ROBO2: variants seen among roughly 807,000 people sequenced by gnomAD.
The protein encoded by ROBO2 is roundabout guidance receptor 2.
ROBO2 carries 53 observed loss-of-function variants against 160.8 expected under a neutral mutation model. The observed-to-expected ratio is 0.33, with a 90% confidence interval of 0.26 to 0.41. The LOEUF is 0.41. Ranked by LOEUF, ROBO2 falls within the 10% of genes least tolerant of loss-of-function variation. The pLI is 1.00. For synonymous variants in ROBO2, 664 were observed against 611.7 expected (o/e 1.09, Z -1.26); for missense variants, 1,577 against 1,722.4 (o/e 0.92, Z 1.49).
intron 2 of ROBO2, among the ~76,000 whole-genome samples, chr3:77,293,095 C>A (rs1411522688): frequency 7.0e-6 from 1 of 143,404 alleles, no homozygotes; most frequent in Non-Finnish European, 1.5e-5. Context: ...GTAAAATTGG[C>A]GGTTAAACGG....
intron 2 of ROBO2, among the ~76,000 whole-genome samples, chr3:77,276,104 A>G (rs1291610579): frequency 7.2e-5 from 11 of 152,108 alleles, no homozygotes; most frequent in Non-Finnish European, 1.6e-4. Context: ...TAACCACCTT[A>G]TAGAAAAGTC....
chr3:77,523,861 T>C (rs1156982833), intron 6 of ROBO2, among the ~76,000 whole-genome samples: 1 of 151,334 alleles, frequency 6.6e-6, no homozygotes. Context: ...AGTTACATCT[T>C]ACCCCATTTA....
At chr3:77,201,387 C>T (rs1439706658) in intron 2 of ROBO2, among the ~76,000 whole-genome samples, 1 of 152,098 alleles carries the variant, frequency 6.6e-6, no homozygotes, top group Non-Finnish European at 1.5e-5. Context: ...TCCATTGCAG[C>T]GATTTGTGCT....
intron 2 of ROBO2, among the ~76,000 whole-genome samples, chr3:77,318,102 T>C (rs1382612106): frequency 6.6e-5 from 10 of 152,072 alleles, no homozygotes; most frequent in East Asian, 1.9e-4. Flanking sequence ...GGCTGGAGTA[T>C]AGTGGCATAG....
chr3:76,851,463 C>T (rs1020321351), intron 2 of ROBO2, among the ~76,000 whole-genome samples: 9 of 152,132 alleles, frequency 5.9e-5, no homozygotes, highest in African/African-American at 1.7e-4. Flanking sequence ...TGGCCGGGCG[C>T]GGTGGCTCAC....
At chr3:76,793,642 A>C (rs1035005496) in intron 2 of ROBO2, among the ~76,000 whole-genome samples, 6 of 151,796 alleles carry the variant, frequency 4.0e-5, no homozygotes, top group African/African-American at 1.5e-4. Context: ...GTACATGTGC[A>C]CAATGTGCAG....
chr3:76,008,078 A>G (rs759148795), intron 2 of ROBO2, among the ~76,000 whole-genome samples: 2 of 152,002 alleles, frequency 1.3e-5, no homozygotes, highest in South Asian at 2.1e-4. Flanking sequence ...TACTAAAAAT[A>G]TACAAATTAC....
intron 2 of ROBO2, among the ~76,000 whole-genome samples, chr3:76,221,708 G>A (rs1271809090): frequency 1.3e-5 from 2 of 152,168 alleles, no homozygotes; most frequent in African/African-American, 4.8e-5. Flanking sequence ...GGATGATGGG[G>A]AACATGGTAA....
chr3:75,923,738 TA>T (rs1576155422), intron 1 of ROBO2, among the ~76,000 whole-genome samples: 2 of 152,102 alleles, frequency 1.3e-5, no homozygotes, highest in East Asian at 3.9e-4. Flanking sequence ...GGACTTAATA[TA>T]AACAGTCATG....
intron 2 of ROBO2, among the ~76,000 whole-genome samples, chr3:77,430,022 T>A (rs1183544633): frequency 1.3e-5 from 2 of 152,158 alleles, no homozygotes; most frequent in African/African-American, 2.4e-5. Context: ...ATGTTTCATA[T>A]AATCCTATCC....
chr3:77,572,534 C>G lies in ROBO2; in HGVS notation c.1972-1965C>G, dbSNP rs534021271. Among the ~76,000 whole-genome samples, 5 of 151,436 alleles carry G rather than the reference C, an allele frequency of 3.3e-5. No individual in the cohort carries two copies. The East Asian group carries it at 9.8e-4, about 30-fold the overall frequency. ...TACCTGACCTCATACAAGTGTAGCACTAATTTCAGAAAGTCTTTGAGGGTG... is the reference window on the plus strand; with the variant it reads ...TACCTGACCTCATACAAGTGTAGCAGTAATTTCAGAAAGTCTTTGAGGGTG... On this transcript the variant is annotated intron_variant, in intron 13 of 25. Transcript: ENST00000461745.
upstream of ROBO2, among the ~76,000 whole-genome samples, chr3:77,038,636 T>A (rs1260463101): frequency 6.6e-6 from 1 of 152,092 alleles, no homozygotes; most frequent in Non-Finnish European, 1.5e-5. Flanking sequence ...TGAGTTCCTA[T>A]AAGCCGCCTT....
rs199864667 is a variant in ROBO2 at position 76,664,057 on chromosome 3, AG to A, written c.110-433954del. Among the ~76,000 whole-genome samples, 3 of 152,166 alleles carry A rather than the reference AG, an allele frequency of 2.0e-5. No individual in the cohort carries two copies. In the East Asian group the frequency reaches 5.8e-4, roughly 29 times the overall value. ...AGAAAGCATTTTAGTTCCAGGCAAA[AG>A]GGACCAGATTTTAGTTTATAGGCTA... On this transcript the variant is annotated intron_variant, in intron 2 of 26. Transcript: ENST00000487694.
intron 6 of ROBO2, among the ~76,000 whole-genome samples, chr3:77,542,330 A>G (rs1367665115): frequency 6.6e-6 from 1 of 152,198 alleles, no homozygotes. Context: ...GTATTTTCAC[A>G]GACTTGAATA....
At chr3:77,409,834 A>C (rs1219014789) in intron 2 of ROBO2, among the ~76,000 whole-genome samples, 1 of 152,222 alleles carries the variant, frequency 6.6e-6, no homozygotes, top group Admixed American at 6.5e-5. Context: ...GGAAAGAATC[A>C]AAGTGAATAA....
intron 2 of ROBO2, among the ~76,000 whole-genome samples, chr3:75,988,617 TTATAAC>T (rs1168192760): frequency 8.5e-5 from 13 of 152,120 alleles, no homozygotes; most frequent in African/African-American, 3.1e-4. Context: ...ATGGAAGCTT[TTATAAC>T]TATAACTTTT....
chr3:77,043,493 T>G (rs1301946638), intron 1 of ROBO2, among the ~76,000 whole-genome samples: 2 of 152,158 alleles, frequency 1.3e-5, no homozygotes, highest in Non-Finnish European at 2.9e-5. Flanking sequence ...CAGTATTGTG[T>G]CCCTGTAGCA....
At chr3:75,953,305 G>A (rs1158515521) in intron 2 of ROBO2, among the ~76,000 whole-genome samples, 2 of 151,870 alleles carry the variant, frequency 1.3e-5, no homozygotes, top group East Asian at 1.9e-4. Flanking sequence ...CATTTTAATA[G>A]TCATGTAATA....
intron 2 of ROBO2, among the ~76,000 whole-genome samples, chr3:76,480,046 G>A (rs1157426902): frequency 7.3e-6 from 1 of 136,862 alleles, no homozygotes; most frequent in Non-Finnish European, 1.6e-5. Flanking sequence ...GAAGAAGGAG[G>A]ATGAGGAGGA....
Sources: allele counts gnomAD v4.1 joint callset (sites outside exome capture counted in the v4.1 genomes callset), GRCh38; gene constraint gnomAD v4.1.1; transcripts MANE v1.5; gene names NCBI Gene and HGNC (gene_info 2026-07-23, HGNC 2026-07-21).